Variants in ADARB2 observed in about 807,000 individuals in gnomAD.
The protein encoded by ADARB2 is inactive double-stranded RNA-specific editase B2.
A neutral mutation model predicts 62.2 loss-of-function variants in ADARB2; 25 were observed. That is an observed-to-expected ratio of 0.40 (90% CI 0.29 to 0.56). The LOEUF (loss-of-function observed/expected upper bound fraction) is 0.56. ADARB2 is among the 20% of genes least tolerant of loss of function. The pLI is 0.43. For missense variants in ADARB2, 1,071 were observed against 1,077.4 expected (o/e 0.99, Z 0.08); for synonymous variants, 572 against 500.8 (o/e 1.14, Z -1.90).
chr10:1,281,651 C>A (rs894623124), intron 3 of ADARB2, among the ~76,000 whole-genome samples: 4 of 152,190 alleles, frequency 2.6e-5, no homozygotes, highest in Non-Finnish European at 5.9e-5. Context: ...CCCCAGAGTG[C>A]CCCAGCATCC....
intron 1 of ADARB2, among the ~76,000 whole-genome samples, chr10:1,576,562 T>G (rs1026671363): frequency 1.3e-5 from 2 of 152,276 alleles, no homozygotes; most frequent in African/African-American, 4.8e-5. Context: ...ACCCCAGGGA[T>G]AAGCAGTGCT....
chr10:1,179,245 G>A lies in ADARB2; in HGVS notation c.*3948C>T, dbSNP rs945891680. 5.9e-5 allele frequency: 9 copies of A among 151,712 alleles called. No homozygotes were observed. The highest frequency in any genetic ancestry group is 1.3e-4 in the Non-Finnish European group (9 of 67,994). The allele number at this position is 151,712 out of a possible 1,614,324, so 9.4% of individuals were successfully genotyped here. ...GCATGCGACTTTGTTGATAAGAAAA[G>A]CTCCCTGTGAAAACAAAATGAGATG... On this transcript the variant is annotated 3_prime_UTR_variant, in exon 10 of 10. Transcript: ENST00000381312.
intron 3 of ADARB2, among the ~76,000 whole-genome samples, chr10:1,305,696 T>A (rs536638402): frequency 3.3e-5 from 5 of 152,050 alleles, no homozygotes; most frequent in East Asian, 1.9e-4. Context: ...TCAAAAAGCT[T>A]ATCCACCATG....
At chr10:1,353,377 C>A (rs1233792526) in intron 3 of ADARB2, among the ~76,000 whole-genome samples, 3 of 152,216 alleles carry the variant, frequency 2.0e-5, no homozygotes. Flanking sequence ...TCCCTTTCTT[C>A]CAGCGCCTAC....
Position 1,216,719 on chromosome 10 carries a change from G to A in ADARB2, c.1682+232C>T, listed in dbSNP as rs376500393. 1.6e-4 allele frequency: 93 copies of A among 589,078 alleles called. 1 individual carries two copies. The highest frequency in any genetic ancestry group is 1.5e-3 in the African/African-American group (79 of 51,810). 36.5% of individuals were successfully genotyped at this position (589,078 alleles called of 1,614,324 possible). A position where few individuals can be genotyped will look rare whatever the true frequency, so the allele number is the denominator to read the frequency against. On this transcript the variant is annotated intron_variant, in intron 7 of 9. Coordinates refer to ENST00000381312, the MANE Select transcript of ADARB2 (RefSeq NM_018702.4). ...GCTCGGGGCTGTTTGCCTCTGCAGCGGCAGCCTCGGGTGGCAGGGCCTTGC... is the reference window on the plus strand; with the variant it reads ...GCTCGGGGCTGTTTGCCTCTGCAGCAGCAGCCTCGGGTGGCAGGGCCTTGC...
intron 1 of ADARB2, among the ~76,000 whole-genome samples, chr10:1,733,143 C>T (rs185758000): frequency 2.4e-4 from 37 of 152,320 alleles, no homozygotes; most frequent in African/African-American, 8.4e-4. Context: ...TCCTGCATGG[C>T]CAGTCACCCC....
At chr10:1,399,215 T>A (rs1260615121) in intron 1 of ADARB2, among the ~76,000 whole-genome samples, 1 of 152,160 alleles carries the variant, frequency 6.6e-6, no homozygotes, top group South Asian at 2.1e-4. Context: ...GGCTGTTTTC[T>A]AAGAGGCTGA....
chr10:1,281,266 A>G (rs1419215829), intron 3 of ADARB2, among the ~76,000 whole-genome samples: 1 of 152,198 alleles, frequency 6.6e-6, no homozygotes, highest in African/African-American at 2.4e-5. Flanking sequence ...GGTCTTGAGC[A>G]TGTGCTGGGG....
chr10:1,735,989 A>G (rs944659631), intron 1 of ADARB2, among the ~76,000 whole-genome samples: 7 of 152,196 alleles, frequency 4.6e-5, no homozygotes, highest in African/African-American at 7.2e-5. Flanking sequence ...GACAACCCCA[A>G]ACACACCTAA....
chr10:1,626,607 A>T (rs1359162059), intron 1 of ADARB2, among the ~76,000 whole-genome samples: 1 of 151,024 alleles, frequency 6.6e-6, no homozygotes, highest in South Asian at 2.1e-4. Context: ...CTCCTCTCAA[A>T]CTCCCACGAC....
At position 1,232,291 on chromosome 10, in the gene ADARB2, C is replaced by T. The variant is rs559721268; in HGVS notation, c.1513+1403G>A. Among the ~76,000 whole-genome samples, 41 of 152,120 alleles carry T rather than the reference C, an allele frequency of 2.7e-4. 1 individual carries two copies. Among genetic ancestry groups the T allele is most frequent in the Admixed American group, 2.2e-3 (33 of 15,288 alleles). On this transcript the variant is annotated intron_variant, in intron 6 of 9. Transcript: ENST00000381312. ...GTGTGGGAGCATGTGAATGTGTGTG[C>T]GGTGTATGTGATATGCACGTGGTGT...
At chr10:1,510,108 CTCTCTTTCTT>C (rs1452761555) in intron 1 of ADARB2, among the ~76,000 whole-genome samples, 9 of 120,918 alleles carry the variant, frequency 7.4e-5, no homozygotes, top group Admixed American at 1.6e-4. Flanking sequence ...TTCTTTCTTT[CTCTCTTTCTT>C]TCTTTCTTTC....
intron 1 of ADARB2, among the ~76,000 whole-genome samples, chr10:1,546,915 G>A (rs779284493): frequency 1.1e-4 from 17 of 152,274 alleles, no homozygotes; most frequent in Non-Finnish European, 1.9e-4. Context: ...TGCCAGGAAG[G>A]GAGGGTCTGT....
chr10:1,271,580 C>A (rs1753019010), intron 3 of ADARB2, among the ~76,000 whole-genome samples: 1 of 152,214 alleles, frequency 6.6e-6, no homozygotes, highest in Admixed American at 6.5e-5. Flanking sequence ...CATTCACATG[C>A]AACACACAAC....
At chr10:1,650,103 C>T (rs562694139) in intron 1 of ADARB2, among the ~76,000 whole-genome samples, 16 of 152,336 alleles carry the variant, frequency 1.1e-4, no homozygotes, top group Admixed American at 2.0e-4. Context: ...CCATGGTGGA[C>T]GCTTGCCATA....
chr10:1,379,358 ACT>A (rs1174029502), intron 1 of ADARB2, among the ~76,000 whole-genome samples, 198 bp from the exon 2 acceptor site: 1 of 151,656 alleles, frequency 6.6e-6, no homozygotes, highest in Non-Finnish European at 1.5e-5. Flanking sequence ...TCAATTTAAA[ACT>A]CTACGATTTC....
chr10:1,257,355 C>A (rs552661736), intron 4 of ADARB2, among the ~76,000 whole-genome samples: 14 of 152,340 alleles, frequency 9.2e-5, no homozygotes, highest in African/African-American at 3.1e-4. Context: ...CATGGACTGG[C>A]TCCTCCCTGA....
At chr10:1,652,432 T>C (rs776989434) in intron 1 of ADARB2, among the ~76,000 whole-genome samples, 5 of 152,188 alleles carry the variant, frequency 3.3e-5, no homozygotes, top group Non-Finnish European at 7.3e-5. Context: ...CCCGGGAGCA[T>C]CCCACTTCCT....
intron 5 of ADARB2, 96 bp downstream of exon 5, chr10:1,242,035 A>G (rs1391455135): frequency 7.7e-7 from 1 of 1,302,456 alleles, no homozygotes; most frequent in Non-Finnish European, 1.0e-6. Flanking sequence ...GGATAGAGGG[A>G]AGCGTGTTCT....
Sources: allele counts gnomAD v4.1 joint callset (sites outside exome capture counted in the v4.1 genomes callset), GRCh38; gene constraint gnomAD v4.1.1; transcripts MANE v1.5; gene names NCBI Gene and HGNC (gene_info 2026-07-23, HGNC 2026-07-21).